FRMPD1: variants seen among roughly 807,000 people sequenced by gnomAD.
FRMPD1 encodes FERM and PDZ domain containing 1.
A neutral mutation model predicts 117.8 loss-of-function variants in FRMPD1; 76 were observed. The observed-to-expected ratio is 0.65, with a 90% CI of 0.54 to 0.78. The LOEUF is 0.78. Ranked by LOEUF, FRMPD1 falls within the 30% of genes least tolerant of loss-of-function variation. The pLI is 0.00. For synonymous variants in FRMPD1, 783 were observed against 770.4 expected (o/e 1.02, Z -0.27); for missense variants, 1,786 against 1,964.5 (o/e 0.91, Z 1.72).
Position 37,656,740 on chromosome 9 carries a change from C to T in FRMPD1, c.-5+5646C>T, listed in dbSNP as rs921095774. 3.3e-5 allele frequency among the ~76,000 whole-genome samples: 5 copies of T among 151,726 alleles called. No homozygotes were observed. In the South Asian group the frequency reaches 1.0e-3, roughly 32 times the overall value. ...ATCTGCCTGAAGGACAGTGGGAAGC[C>T]GGACTAGGTGCTTGGCAGATTGATA... On this transcript the variant is annotated intron_variant, in intron 1 of 15. Transcript: ENST00000377765.
Position 37,735,716 on chromosome 9 carries a change from G to C in FRMPD1, c.1383G>C (p.Val461=). 1.2e-6 allele frequency: 2 copies of C among 1,613,388 alleles called. No homozygotes were observed. Among genetic ancestry groups the C allele is most frequent in the Non-Finnish European group, 1.7e-6 (2 of 1,179,454 alleles). Residue 461 remains valine (V), a synonymous_variant, in exon 13 of 16, where the codon GTG becomes GTC. Transcript: ENST00000377765. ...CTGAGAAAGTGAGCGTCGTCAAAGT[G>C]TATCTTCAGGACGTCAAGGTAACAC... The part of the protein sequence containing the change: ...EESEKVSVVK[V]YLQDVKVLTL...
intron 1 of FRMPD1, chr9:37,661,774 C>T (rs1030631214): frequency 1.3e-5 from 2 of 152,282 alleles, no homozygotes; most frequent in East Asian, 3.8e-4. Flanking sequence ...AATTTCACAG[C>T]ATAGATAATC....
chr9:37,606,509 A>C, the FRMPD1 span, among the ~76,000 whole-genome samples: 1 of 152,216 alleles, frequency 6.6e-6, no homozygotes, highest in African/African-American at 2.4e-5. Context: ...GGTGGCCCTG[A>C]GTTCTAAATT....
At chr9:37,628,782 C>G in the FRMPD1 span, among the ~76,000 whole-genome samples, 1 of 152,198 alleles carries the variant, frequency 6.6e-6, no homozygotes, top group Non-Finnish European at 1.5e-5. Flanking sequence ...GCTCCTTCCT[C>G]CTTCCCTTCC....
At chr9:37,706,932 GTCCGTCCA>G (rs1437577659) in intron 2 of FRMPD1, among the ~76,000 whole-genome samples, 22 of 139,360 alleles carry the variant, frequency 1.6e-4, no homozygotes, top group Non-Finnish European at 2.8e-4. Flanking sequence ...TCTTCTGTCA[GTCCGTCCA>G]TCCATCCATC....
chr9:37,705,262 T>C (rs1301851209), intron 2 of FRMPD1, among the ~76,000 whole-genome samples: 1 of 152,196 alleles, frequency 6.6e-6, no homozygotes, highest in Non-Finnish European at 1.5e-5. Context: ...TTATTCCTCT[T>C]GTCATTTTTC....
intron 1 of FRMPD1, among the ~76,000 whole-genome samples, chr9:37,671,128 G>A (rs1821336065): frequency 6.6e-6 from 1 of 152,150 alleles, no homozygotes. Context: ...AAATCTACAA[G>A]TATTGAACAC....
chr9:37,744,551 CT>C lies in FRMPD1; in HGVS notation c.2522del (p.Phe841SerfsTer23). On this transcript the variant is annotated frameshift_variant, in exon 16 of 16. Transcript: ENST00000377765. LOFTEE classifies it low-confidence loss of function (END_TRUNC). ...GCCAAGACCCTGAGGAAAAGAAGGTCTTTCCTACAGACCGACTACACCTCTC... is the reference window on the plus strand; with the variant it reads ...GCCAAGACCCTGAGGAAAAGAAGGTCTTCCTACAGACCGACTACACCTCTC... ...KYAKTLRKRR[S>X]FLQTDYTSQV... The C allele has an allele frequency of 1.2e-6, 2 of 1,614,162 alleles. No homozygotes were observed. Among genetic ancestry groups the C allele is most frequent in the Non-Finnish European group, 8.5e-7 (1 of 1,180,010 alleles).
chr9:37,729,326 T>G (rs1013424714), intron 7 of FRMPD1, among the ~76,000 whole-genome samples: 2 of 130,254 alleles, frequency 1.5e-5, no homozygotes, highest in African/African-American at 6.0e-5. Flanking sequence ...AGGGTTGTAG[T>G]GAGCCAAGAT....
the FRMPD1 span, among the ~76,000 whole-genome samples, chr9:37,638,022 T>TTCTTTCTC: frequency 2.3e-3 from 188 of 81,040 alleles, 12 homozygotes; most frequent in Non-Finnish European, 2.6e-3. Flanking sequence ...CTTTCTTTCT[T>TTCTTTCTC]TCTCTCTCTT....
intron 5 of FRMPD1, among the ~76,000 whole-genome samples, chr9:37,717,381 ATTTTTT>A (rs61705193): frequency 0.01 from 1,160 of 114,338 alleles, 14 homozygotes; most frequent in African/African-American, 0.036. Flanking sequence ...ATATATATAT[ATTTTTT>A]TTTTTTTTTT....
chr9:37,727,100 T>G (rs1823648702), intron 7 of FRMPD1, among the ~76,000 whole-genome samples: 3 of 152,102 alleles, frequency 2.0e-5, no homozygotes, highest in Admixed American at 2.0e-4. Context: ...TGCATTGGGA[T>G]AAGCAGCAGA....
chr9:37,679,728 A>T (rs561718749), intron 1 of FRMPD1, among the ~76,000 whole-genome samples: 16 of 152,334 alleles, frequency 1.1e-4, no homozygotes, highest in African/African-American at 3.6e-4. Context: ...GAGGGAAGGG[A>T]TGTGACTTGG....
the FRMPD1 span, among the ~76,000 whole-genome samples, chr9:37,606,937 T>C: frequency 1.3e-5 from 2 of 152,212 alleles, no homozygotes; most frequent in Admixed American, 1.3e-4. Flanking sequence ...CCTTGACTCC[T>C]GGGAGAAGGG....
intron 1 of FRMPD1, among the ~76,000 whole-genome samples, chr9:37,654,969 A>T (rs1020406428): frequency 6.6e-6 from 1 of 151,966 alleles, no homozygotes; most frequent in African/African-American, 2.4e-5. Flanking sequence ...CTTCTTTAGG[A>T]TCTCTTTCCC....
chr9:37,665,130 A>G (rs1028879808), intron 1 of FRMPD1, among the ~76,000 whole-genome samples: 1 of 152,236 alleles, frequency 6.6e-6, no homozygotes, highest in Non-Finnish European at 1.5e-5. Flanking sequence ...GACACAGGGA[A>G]ATGTTTACAG....
chr9:37,603,260 G>A, the FRMPD1 span, among the ~76,000 whole-genome samples: 77 of 152,332 alleles, frequency 5.1e-4, no homozygotes, highest in South Asian at 0.015. Context: ...GGATTGGCTG[G>A]TCTCTACAGT....
chr9:37,739,332 C>G (rs1016193622), intron 14 of FRMPD1, among the ~76,000 whole-genome samples: 2 of 152,122 alleles, frequency 1.3e-5, no homozygotes, highest in Non-Finnish European at 2.9e-5. Flanking sequence ...AGGCTCTTCC[C>G]CGTAAGCAGG....
intron 3 of FRMPD1, 73 bp from the exon 4 acceptor site, chr9:37,708,326 A>C: frequency 1.1e-6 from 1 of 877,136 alleles, no homozygotes; most frequent in Non-Finnish European, 1.9e-6. Context: ...GTGCCATTTA[A>C]CTGTGCCGCT....
Sources: allele counts gnomAD v4.1 joint callset (sites outside exome capture counted in the v4.1 genomes callset), GRCh38; gene constraint gnomAD v4.1.1; transcripts MANE v1.5; gene names NCBI Gene and HGNC (gene_info 2026-07-23, HGNC 2026-07-21).